The following FOXP4 variants were observed in gnomAD, a reference collection of about 807,000 sequenced individuals.
The protein encoded by FOXP4 is forkhead box P4.
Under a neutral mutation model 82.6 loss-of-function variants are expected in FOXP4, and 25 were observed. The observed-to-expected ratio is 0.30, with a 90% CI of 0.22 to 0.42. The LOEUF (loss-of-function observed/expected upper bound fraction) is 0.42, where lower values mean the gene tolerates loss of function less well. Among genes scored for constraint, FOXP4 ranks in the 10% least tolerant of loss-of-function variants. The probability of loss-of-function intolerance (pLI) is 1.00; values close to 1 mark genes in which losing one functional copy is unlikely to be tolerated. For missense variants in FOXP4, 785 were observed against 900.9 expected, an observed-to-expected ratio of 0.87 and a Z score of 1.65; for synonymous variants, 415 against 388.2, an observed-to-expected ratio of 1.07 and a Z score of -0.81.
chr6:41,598,961 G>A lies in FOXP4; in HGVS notation c.*25G>A. ...AGGGCCTGTAGTGACCGGCAGGGCT[G>A]GGGTGAGACCCCTCCCTTCCAGAAT... On this transcript the variant is annotated 3_prime_UTR_variant, in exon 17 of 17. Transcript: ENST00000307972. The A allele has an allele frequency of 6.5e-7, 1 of 1,548,798 alleles. No individual in the cohort carries two copies. Among genetic ancestry groups the A allele is most frequent in the Non-Finnish European group, 8.7e-7 (1 of 1,151,232 alleles).
rs143583855 is a variant in FOXP4, at chr6:41,563,324, G to A, written c.-16-2421G>A. ...TGGCTTGGTAGAGTGAGGGAGAAGAGTTCTTCTGGAGTGAAAGGAGAGAAT... is the reference window on the plus strand; with the variant it reads ...TGGCTTGGTAGAGTGAGGGAGAAGAATTCTTCTGGAGTGAAAGGAGAGAAT... On this transcript the variant is annotated intron_variant, in intron 1 of 16. Transcript: ENST00000307972. Among the ~76,000 whole-genome samples, 43 of 152,318 alleles carry A rather than the reference G, an allele frequency of 2.8e-4. No individual in the cohort carries two copies. The East Asian group carries it at 6.2e-3, about 22-fold the overall frequency.
At chr6:41,582,923 G>A (rs1484030500) in intron 3 of FOXP4, among the ~76,000 whole-genome samples, 1 of 152,108 alleles carries the variant, frequency 6.6e-6, no homozygotes, top group African/African-American at 2.4e-5. Flanking sequence ...GAAAACCCTG[G>A]GAGCTATGGA....
intron 7 of FOXP4, 131 bp downstream of exon 7, chr6:41,587,643 C>A: frequency 1.1e-6 from 1 of 899,224 alleles, no homozygotes; most frequent in Non-Finnish European, 1.7e-6. Context: ...TCTCCACTCC[C>A]TCTCCCGGGG....
chr6:41,591,326 A>G lies in FOXP4; in HGVS notation c.1536+4A>G, dbSNP rs1006251411. On this transcript the variant is annotated splice_donor_region_variant and intron_variant, in intron 13 of 16. Coordinates refer to ENST00000307972, the MANE Select transcript of FOXP4 (RefSeq NM_001012426.2). This position sits in a 1 kb window ranked among gnomAD's most constrained non-coding sequence, Gnocchi z 4.2. ...CAGAAACACTGCCACCTGGAAGGTG[A>G]AGCAGGCCCCTTCCACCTTCTGGGC... 1.9e-6 allele frequency: 3 copies of G among 1,589,982 alleles called. No homozygotes were observed. Among genetic ancestry groups the G allele is most frequent in the Admixed American group, 1.8e-5 (1 of 57,046 alleles).
intron 9 of FOXP4, 34 bp downstream of exon 9, chr6:41,588,765 T>G (rs1581776584): frequency 6.2e-7 from 1 of 1,609,790 alleles, no homozygotes; most frequent in Non-Finnish European, 8.5e-7. Flanking sequence ...AGGGACATGG[T>G]GGGCTCCAGC....
chr6:41,586,791 C>CGCGT lies in FOXP4; in HGVS notation c.511-203_511-200dup, dbSNP rs552889054. Among the ~76,000 whole-genome samples the CGCGT allele has an allele frequency of 6.6e-5, 10 of 152,132 alleles. No homozygotes were observed. In the South Asian group the frequency reaches 1.7e-3, roughly 25 times the overall value. On this transcript the variant is annotated intron_variant, in intron 5 of 16. Transcript: ENST00000307972. ...CTGGGTCTGGCTGTGTGTGTTTGCG[C>CGCGT]GCGTGCGTGCGTGCGTGCATGCGTG...
At position 41,558,933 on chromosome 6, in the gene FOXP4, A is replaced by G. The variant is rs1764423303; in HGVS notation, c.-16-6812A>G. ...CTAGAAGACATCCTTGTGCTCTGGT[A>G]TCCACATGTGTATCTTTTTATATAA... On this transcript the variant is annotated intron_variant, in intron 1 of 16. Transcript: ENST00000307972. This position sits in a 1 kb window ranked among gnomAD's most constrained non-coding sequence, Gnocchi z 4.0. 2.0e-5 allele frequency among the ~76,000 whole-genome samples: 3 copies of G among 152,274 alleles called. No individual in the cohort carries two copies. The highest frequency in any genetic ancestry group is 7.2e-5 in the African/African-American group (3 of 41,478).
intron 2 of FOXP4, among the ~76,000 whole-genome samples, chr6:41,566,342 G>C (rs1243951046): frequency 6.6e-6 from 1 of 152,194 alleles, no homozygotes; most frequent in Non-Finnish European, 1.5e-5. Context: ...AAATGAACAG[G>C]GTTAAGAGGG....
At chr6:41,585,979 C>A (rs1172281281) in intron 5 of FOXP4, among the ~76,000 whole-genome samples, 1 of 151,998 alleles carries the variant, frequency 6.6e-6, no homozygotes, top group African/African-American at 2.4e-5. Flanking sequence ...ACTTGCCCAG[C>A]CACCCCTCGG....
In FOXP4 at chr6:41,598,970, C is replaced by A. The variant is rs944126227; in HGVS notation, c.*34C>A. ...AGTGACCGGCAGGGCTGGGGTGAGA[C>A]CCCTCCCTTCCAGAATCCAGGCCCC... On this transcript the variant is annotated 3_prime_UTR_variant, in exon 17 of 17. Coordinates refer to ENST00000307972, the MANE Select transcript of FOXP4 (RefSeq NM_001012426.2). 3.3e-6 allele frequency: 5 copies of A among 1,517,532 alleles called. No homozygotes were observed. Among genetic ancestry groups the A allele is most frequent in the Non-Finnish European group, 3.5e-6 (4 of 1,136,642 alleles). The allele number at this position is 1,517,532 out of a possible 1,614,324, so 94.0% of individuals were successfully genotyped here. A position where few individuals can be genotyped will look rare whatever the true frequency, so the allele number is the denominator to read the frequency against.
At chr6:41,590,449 G>A (rs1766443667) in intron 12 of FOXP4, 102 bp downstream of exon 12, 1 of 1,265,216 alleles carries the variant, frequency 7.9e-7, no homozygotes, top group Non-Finnish European at 1.1e-6. Context: ...GCCAAGCAAT[G>A]GAGCTGTCCC....
At chr6:41,589,718 C>T in intron 9 of FOXP4, 53 bp from the exon 10 acceptor site, 3 of 1,566,730 alleles carry the variant, frequency 1.9e-6, no homozygotes, top group South Asian at 1.1e-5. Flanking sequence ...TGGGACAACA[C>T]TGCCTCCAGG....
chr6:41,556,609 C>G (rs1039590924), intron 1 of FOXP4, among the ~76,000 whole-genome samples: 1 of 152,178 alleles, frequency 6.6e-6, no homozygotes, highest in African/African-American at 2.4e-5. Flanking sequence ...CAGGTGTGAG[C>G]CACCGCGCCC....
chr6:41,598,153 C>G (rs1766981106), intron 16 of FOXP4, among the ~76,000 whole-genome samples: 1 of 151,520 alleles, frequency 6.6e-6, no homozygotes. Context: ...TCCCCACCTC[C>G]CCACCTTCCC....
chr6:41,560,900 CCTTCT>C (rs1562012262), intron 1 of FOXP4, among the ~76,000 whole-genome samples: 3 of 152,216 alleles, frequency 2.0e-5, no homozygotes, highest in South Asian at 2.1e-4. Context: ...GTGGGGTTCC[CCTTCT>C]CTTTTCTCCT....
intron 3 of FOXP4, among the ~76,000 whole-genome samples, chr6:41,583,528 G>T (rs1026727913): frequency 6.6e-6 from 1 of 152,236 alleles, no homozygotes; most frequent in African/African-American, 2.4e-5. Context: ...CGGGCTGGCA[G>T]AGGGGCCTCT....
chr6:41,559,230 A>G (rs1238301504), intron 1 of FOXP4, among the ~76,000 whole-genome samples: 1 of 151,918 alleles, frequency 6.6e-6, no homozygotes, highest in African/African-American at 2.4e-5. Flanking sequence ...GGGCTTCTCC[A>G]TTTACTTGTG....
At chr6:41,574,874 C>T (rs1231611005) in intron 2 of FOXP4, among the ~76,000 whole-genome samples, 2 of 152,196 alleles carry the variant, frequency 1.3e-5, no homozygotes, top group East Asian at 3.8e-4. Context: ...CGAGACTTCC[C>T]CAGGTAGAAG....
intron 2 of FOXP4, among the ~76,000 whole-genome samples, chr6:41,568,753 A>G (rs1765021366): frequency 6.6e-6 from 1 of 152,188 alleles, no homozygotes; most frequent in African/African-American, 2.4e-5. Context: ...CTCTGCTCTC[A>G]GTAAACAAGC....
Sources: allele counts gnomAD v4.1 joint callset (sites outside exome capture counted in the v4.1 genomes callset), GRCh38; gene constraint gnomAD v4.1.1; non-coding constraint Gnocchi (gnomAD v3.1); transcripts MANE v1.5; gene names NCBI Gene and HGNC (gene_info 2026-07-23, HGNC 2026-07-21).